SUCLG2: variants seen among roughly 807,000 people sequenced by gnomAD.
SUCLG2 encodes the protein succinate-CoA ligase GDP-forming subunit beta.
Under a neutral mutation model 47.9 loss-of-function variants are expected in SUCLG2, and 42 were observed. That is an observed-to-expected ratio of 0.88 (90% confidence interval 0.69 to 1.14). The LOEUF (loss-of-function observed/expected upper bound fraction) is 1.14, where lower values mean the gene tolerates loss of function less well. Ranked by LOEUF, SUCLG2 falls within the 50% of genes most tolerant of loss-of-function variation. The pLI, the probability that SUCLG2 is intolerant of heterozygous loss-of-function variation, is 0.00. For missense variants in SUCLG2, 571 were observed against 525.9 expected, an observed-to-expected ratio of 1.09 and a Z score of -0.84; for synonymous variants, 195 against 197.3, an observed-to-expected ratio of 0.99 and a Z score of 0.10.
Position 67,598,632 on chromosome 3 carries a change from A to T in SUCLG2, c.226+10823T>A, listed in dbSNP as rs1075642. 1.0e-2 allele frequency among the ~76,000 whole-genome samples: 1,518 copies of T among 152,250 alleles called. 31 individuals carry two copies. Among genetic ancestry groups the T allele is most frequent in the African/African-American group, 0.034 (1,419 of 41,516 alleles). On this transcript the variant is annotated intron_variant, in intron 2 of 10. Coordinates refer to ENST00000307227, the MANE Select transcript of SUCLG2 (RefSeq NM_003848.4). ...ACCTCACAACTATGTTGTAAGGAATATGTTTCCTCTTTCTGGGTACAGAGG... is the reference window on the plus strand; with the variant it reads ...ACCTCACAACTATGTTGTAAGGAATTTGTTTCCTCTTTCTGGGTACAGAGG...
intron 9 of SUCLG2, among the ~76,000 whole-genome samples, chr3:67,421,008 G>A (rs1703144745): frequency 6.6e-6 from 1 of 152,190 alleles, no homozygotes; most frequent in African/African-American, 2.4e-5. Flanking sequence ...TAGTCTGTGT[G>A]AGGTGTAATG....
chr3:67,641,841 G>A (rs1033008879), intron 1 of SUCLG2, among the ~76,000 whole-genome samples: 1 of 152,216 alleles, frequency 6.6e-6, no homozygotes, highest in African/African-American at 2.4e-5. Flanking sequence ...TCTGAGGGCT[G>A]TGAGGGAGAA....
chr3:67,461,961 G>A (rs923132144), intron 9 of SUCLG2, among the ~76,000 whole-genome samples: 2 of 152,076 alleles, frequency 1.3e-5, no homozygotes, highest in Admixed American at 1.3e-4. Flanking sequence ...GTCATGCGGG[G>A]CCGGATGATA....
intron 6 of SUCLG2, among the ~76,000 whole-genome samples, chr3:67,509,862 A>G (rs889739534): frequency 6.6e-6 from 1 of 152,188 alleles, no homozygotes. Flanking sequence ...TCTACTCTGT[A>G]TATCAGAGAA....
chr3:67,590,572 C>T (rs1480475740), intron 2 of SUCLG2, among the ~76,000 whole-genome samples: 3 of 152,116 alleles, frequency 2.0e-5, no homozygotes, highest in African/African-American at 7.2e-5. Context: ...CACTCGTGCT[C>T]CCTCTCTCAC....
rs145168865 is a variant in SUCLG2 at position 67,577,643 on chromosome 3, C to T, written c.226+31812G>A. On this transcript the variant is annotated intron_variant, in intron 2 of 10. Transcript: ENST00000307227. ...CATTTTGCTCAGGGCAAAAATCTGG[C>T]AGCCAAAAGAATCTCTACCAGAGCC... is the stretch of plus-strand genomic sequence containing the variant. 3.6e-3 allele frequency among the ~76,000 whole-genome samples: 551 copies of T among 152,252 alleles called. 2 individuals are homozygous for T. The highest frequency in any genetic ancestry group is 0.013 in the African/African-American group (526 of 41,560).
chr3:67,583,134 C>A (rs1358319119), intron 2 of SUCLG2, among the ~76,000 whole-genome samples: 1 of 152,088 alleles, frequency 6.6e-6, no homozygotes, highest in Non-Finnish European at 1.5e-5. Flanking sequence ...TCACCAGTGG[C>A]CTTGGTATGT....
At chr3:67,537,888 T>C (rs1169002268) in intron 2 of SUCLG2, among the ~76,000 whole-genome samples, 1 of 152,256 alleles carries the variant, frequency 6.6e-6, no homozygotes, top group Non-Finnish European at 1.5e-5. Context: ...TGTCTGTTCA[T>C]ATCCTTCACC....
intron 9 of SUCLG2, among the ~76,000 whole-genome samples, chr3:67,477,385 T>G (rs1267043521): frequency 1.3e-5 from 2 of 152,162 alleles, no homozygotes; most frequent in Non-Finnish European, 2.9e-5. Flanking sequence ...CTTCTCACAA[T>G]CAGTCTGTAA....
At chr3:67,489,967 A>G (rs1311832695) in intron 9 of SUCLG2, among the ~76,000 whole-genome samples, 1 of 152,252 alleles carries the variant, frequency 6.6e-6, no homozygotes, top group Non-Finnish European at 1.5e-5. Context: ...AGAACTTTCC[A>G]GGAGGATAGA....
intron 9 of SUCLG2, among the ~76,000 whole-genome samples, chr3:67,451,803 A>T (rs1704062604): frequency 6.6e-6 from 1 of 152,348 alleles, no homozygotes; most frequent in South Asian, 2.1e-4. Flanking sequence ...AATGGACTTT[A>T]AAGATAATAT....
chr3:67,439,788 C>T (rs1703713496), intron 9 of SUCLG2, among the ~76,000 whole-genome samples: 2 of 152,050 alleles, frequency 1.3e-5, no homozygotes, highest in Admixed American at 1.3e-4. Flanking sequence ...TCAATATCGT[C>T]AAAATGGCCA....
At chr3:67,624,776 G>A (rs1700794324) in intron 1 of SUCLG2, among the ~76,000 whole-genome samples, 1 of 152,050 alleles carries the variant, frequency 6.6e-6, no homozygotes, top group South Asian at 2.1e-4. Flanking sequence ...TCATGAAAAG[G>A]AAACTTTAAA....
chr3:67,619,459 C>T (rs9810550), intron 1 of SUCLG2, among the ~76,000 whole-genome samples: 69,747 of 151,552 alleles, frequency 0.46, 16,421 homozygotes, highest in African/African-American at 0.55. Context: ...TCTCCCAGTG[C>T]ACAACCATGG....
intron 7 of SUCLG2, among the ~76,000 whole-genome samples, chr3:67,503,373 G>A (rs1481662575): frequency 6.6e-6 from 1 of 152,180 alleles, no homozygotes; most frequent in African/African-American, 2.4e-5. Flanking sequence ...CTACGCAAAA[G>A]GAGTAGATTA....
intron 9 of SUCLG2, among the ~76,000 whole-genome samples, chr3:67,489,667 T>C (rs1355991603): frequency 6.6e-6 from 1 of 152,218 alleles, no homozygotes; most frequent in Non-Finnish European, 1.5e-5. Context: ...TCTACTTCCC[T>C]ACAAAGAAAA....
At chr3:67,556,371 T>C (rs1044290441) in intron 2 of SUCLG2, among the ~76,000 whole-genome samples, 1 of 152,170 alleles carries the variant, frequency 6.6e-6, no homozygotes, top group African/African-American at 2.4e-5. Context: ...ATACCCACAA[T>C]GTTTAGCAGA....
intron 1 of SUCLG2, among the ~76,000 whole-genome samples, chr3:67,637,984 T>C (rs1362254169): frequency 6.6e-6 from 1 of 152,206 alleles, no homozygotes; most frequent in East Asian, 1.9e-4. Flanking sequence ...ACTTAGGTCC[T>C]AGGAAGTGCT....
At chr3:67,562,515 T>C (rs1017023657) in intron 2 of SUCLG2, among the ~76,000 whole-genome samples, 1 of 152,192 alleles carries the variant, frequency 6.6e-6, no homozygotes, top group Non-Finnish European at 1.5e-5. Flanking sequence ...TGGCCTCAAA[T>C]GATCCACCTG....
Sources: gnomAD v4.1 joint callset for allele counts (sites outside exome capture counted in the v4.1 genomes callset) on GRCh38, gnomAD v4.1.1 for gene constraint, MANE v1.5 for transcripts, NCBI Gene and HGNC (gene_info 2026-07-23, HGNC 2026-07-21) for gene names.